Variants in PTPRG observed in about 807,000 individuals in gnomAD.
PTPRG encodes the protein protein tyrosine phosphatase receptor type G, also known as receptor-type tyrosine-protein phosphatase gamma.
PTPRG carries 102 observed loss-of-function variants against 165.3 expected under a neutral mutation model. The ratio of observed to expected loss-of-function variants is 0.62; its 90% CI spans 0.53 to 0.73. The LOEUF is 0.73. PTPRG is among the 30% of genes least tolerant of loss of function. PTPRG has a pLI of 0.00. For synonymous variants in PTPRG, 675 were observed against 669.5 expected, an observed-to-expected ratio of 1.01 and a Z score of -0.13; for missense variants, 1,866 against 1,861.4, an observed-to-expected ratio of 1.00 and a Z score of -0.05.
chr3:61,803,575 A>T (rs2035322797), intron 2 of PTPRG, among the ~76,000 whole-genome samples: 1 of 138,228 alleles, frequency 7.2e-6, no homozygotes. Flanking sequence ...ACTTATGTTC[A>T]CGTTTTACTG....
chr3:62,099,572 G>GA (rs1177932838), intron 5 of PTPRG, among the ~76,000 whole-genome samples: 6 of 148,868 alleles, frequency 4.0e-5, no homozygotes, highest in South Asian at 2.1e-4. Context: ...AAGGTGGATG[G>GA]AAAAAAAAAG....
chr3:61,613,687 A>C (rs1171599282), intron 1 of PTPRG, among the ~76,000 whole-genome samples: 1 of 152,170 alleles, frequency 6.6e-6, no homozygotes, highest in African/African-American at 2.4e-5. Flanking sequence ...TGGTTATATA[A>C]ATTGAAGATG....
chr3:62,154,477 A>G (rs1271708871), intron 6 of PTPRG, among the ~76,000 whole-genome samples: 1 of 152,150 alleles, frequency 6.6e-6, no homozygotes, highest in Admixed American at 6.5e-5. Flanking sequence ...ACTTTCCATC[A>G]TGCCTGCTTA....
Position 62,213,113 on chromosome 3 carries a change from G to T in PTPRG, c.2156-5738G>T, listed in dbSNP as rs1418437192. ...GCTGGACCCTTCAGGAGGCAGCTAG[G>T]TTACCAGCAAAGCTCCGAGTGAAAG... On this transcript the variant is annotated intron_variant, in intron 12 of 29. Coordinates refer to ENST00000474889, the MANE Select transcript of PTPRG (RefSeq NM_002841.4). The surrounding 1 kb of genome is among the most constrained non-coding windows in gnomAD (Gnocchi z 4.4). Among the ~76,000 whole-genome samples, 1 of 152,178 alleles carries T rather than the reference G, an allele frequency of 6.6e-6. No individual in the cohort carries two copies. Among genetic ancestry groups the T allele is most frequent in the Non-Finnish European group, 1.5e-5 (1 of 68,036 alleles).
chr3:61,614,983 C>G (rs927391231), intron 1 of PTPRG, among the ~76,000 whole-genome samples: 2 of 152,214 alleles, frequency 1.3e-5, no homozygotes, highest in Admixed American at 6.5e-5. Context: ...TCCAAACACA[C>G]CATGCGCTCC....
intron 9 of PTPRG, among the ~76,000 whole-genome samples, chr3:62,193,989 G>T (rs570094426): frequency 6.6e-6 from 1 of 152,310 alleles, no homozygotes; most frequent in East Asian, 1.9e-4. Flanking sequence ...TTTAAAGGCT[G>T]TCAGAATGAA....
intron 8 of PTPRG, among the ~76,000 whole-genome samples, chr3:62,178,184 T>TGCAC (rs1705506661): frequency 2.0e-5 from 3 of 150,470 alleles, no homozygotes; most frequent in Middle Eastern, 6.8e-3. Flanking sequence ...GATGGATGGA[T>TGCAC]GCACATGTGG....
intron 1 of PTPRG, among the ~76,000 whole-genome samples, chr3:61,621,144 A>G (rs1701448099): frequency 6.6e-6 from 1 of 151,684 alleles, no homozygotes; most frequent in Non-Finnish European, 1.5e-5. Flanking sequence ...TTAAAAATGT[A>G]AAGCATGAGG....
intron 2 of PTPRG, among the ~76,000 whole-genome samples, chr3:61,818,548 C>T (rs764434673): frequency 2.0e-5 from 3 of 151,998 alleles, no homozygotes; most frequent in Non-Finnish European, 4.4e-5. Flanking sequence ...CCTGTAATCC[C>T]AGCACTTTGA....
chr3:62,086,169 C>A (rs928876745), intron 5 of PTPRG, among the ~76,000 whole-genome samples: 1 of 152,160 alleles, frequency 6.6e-6, no homozygotes, highest in South Asian at 2.1e-4. Context: ...TAATTCATTC[C>A]TTTTATTTAT....
In PTPRG at chr3:61,881,459, A is replaced by G. The variant is rs75682245; in HGVS notation, c.191-108166A>G. Among the ~76,000 whole-genome samples the G allele has an allele frequency of 4.1e-3, 627 of 152,296 alleles. 3 individuals are homozygous for G. The highest frequency in any genetic ancestry group is 7.3e-3 in the Non-Finnish European group (495 of 68,024). The stretch of plus-strand genomic sequence containing the variant: ...TTTACAAATATGCAACACAGCAGCA[A>G]TCGATGAACCTTCATGATGTGCTGG... On this transcript the variant is annotated intron_variant, in intron 2 of 29. Transcript: ENST00000474889.
chr3:61,586,208 A>C (rs1021120235), intron 1 of PTPRG, among the ~76,000 whole-genome samples: 1 of 152,110 alleles, frequency 6.6e-6, no homozygotes, highest in Non-Finnish European at 1.5e-5. Context: ...CCAAATATCT[A>C]GGAGTTGAAA....
chr3:62,148,937 T>C (rs1490717888), intron 6 of PTPRG, among the ~76,000 whole-genome samples: 2 of 152,144 alleles, frequency 1.3e-5, no homozygotes, highest in African/African-American at 4.8e-5. Context: ...ACAGTGCAGT[T>C]GTGGTCCAGC....
At chr3:61,950,690 A>G (rs1003345576) in intron 2 of PTPRG, among the ~76,000 whole-genome samples, 1 of 152,206 alleles carries the variant, frequency 6.6e-6, no homozygotes, top group Admixed American at 6.5e-5. Context: ...TCACCTAAGA[A>G]GTCTTGCTTC....
chr3:62,008,639 C>T (rs1030593589), intron 4 of PTPRG, among the ~76,000 whole-genome samples: 3 of 152,224 alleles, frequency 2.0e-5, no homozygotes, highest in African/African-American at 4.8e-5. Flanking sequence ...CCAACCTTTT[C>T]GACACCAGGG....
At chr3:61,731,391 T>C (rs1228040836) in intron 1 of PTPRG, among the ~76,000 whole-genome samples, 3 of 149,902 alleles carry the variant, frequency 2.0e-5, no homozygotes, top group African/African-American at 4.9e-5. Context: ...GCTGTGTTGC[T>C]AGGCTGGAGT....
intron 3 of PTPRG, among the ~76,000 whole-genome samples, chr3:62,001,684 C>A (rs7624017): frequency 6.6e-6 from 1 of 151,564 alleles, no homozygotes; most frequent in African/African-American, 2.4e-5. Flanking sequence ...GATAAGTTTC[C>A]CATTTTTACA....
intron 2 of PTPRG, among the ~76,000 whole-genome samples, chr3:61,955,004 A>G (rs2039998916): frequency 6.6e-6 from 1 of 152,238 alleles, no homozygotes; most frequent in African/African-American, 2.4e-5. Flanking sequence ...TGTTATCATC[A>G]TAGTATTATT....
At position 62,163,001 on chromosome 3, in the gene PTPRG, A is replaced by G. The variant is rs527246028; in HGVS notation, c.841-4970A>G. On this transcript the variant is annotated intron_variant, in intron 7 of 29. Transcript: ENST00000474889. ...TTGGGAAGGCCTCAGGAAACTTACA[A>G]TCATGGCGGACAGGAAGCAGGCATG... Among the ~76,000 whole-genome samples, 7 of 152,304 alleles carry G rather than the reference A, an allele frequency of 4.6e-5. No individual in the cohort carries two copies. The South Asian group carries it at 6.2e-4, about 14-fold the overall frequency.
Sources: allele counts gnomAD v4.1 joint callset (sites outside exome capture counted in the v4.1 genomes callset), GRCh38; gene constraint gnomAD v4.1.1; non-coding constraint Gnocchi (gnomAD v3.1); transcripts MANE v1.5; gene names NCBI Gene and HGNC (gene_info 2026-07-23, HGNC 2026-07-21).